SLC7A1: variants seen among roughly 807,000 people sequenced by gnomAD.
SLC7A1 encodes solute carrier family 7 member 1.
A neutral mutation model predicts 53.9 loss-of-function variants in SLC7A1; 10 were observed. That is an observed-to-expected ratio of 0.19 (90% CI 0.11 to 0.31). SLC7A1 has a LOEUF of 0.31. Ranked by LOEUF, SLC7A1 falls within the 10% of genes least tolerant of loss-of-function variation. The pLI is 1.00. For missense variants in SLC7A1, 525 were observed against 827.2 expected, an observed-to-expected ratio of 0.63 and a Z score of 4.48; for synonymous variants, 342 against 338.7, an observed-to-expected ratio of 1.01 and a Z score of -0.11.
chr13:29,533,058 G>C, intron 3 of SLC7A1, 76 bp from the exon 4 acceptor site: 6 of 1,423,866 alleles, frequency 4.2e-6, no homozygotes, highest in Non-Finnish European at 4.8e-6. Context: ...GCTCCATGTT[G>C]ATAACATCAT....
At chr13:29,537,862 TAAC>T (rs1448894968) in intron 2 of SLC7A1, among the ~76,000 whole-genome samples, 3 of 152,234 alleles carry the variant, frequency 2.0e-5, no homozygotes, top group Admixed American at 6.5e-5. Context: ...TCAATTGAGA[TAAC>T]AAGTCTAGAA....
intron 1 of SLC7A1, among the ~76,000 whole-genome samples, chr13:29,555,427 G>A (rs138240844): frequency 0.021 from 3,127 of 147,860 alleles, 99 homozygotes; most frequent in African/African-American, 0.073. Flanking sequence ...TCACACCAGT[G>A]GAACTGAACA....
rs1178423019 is a variant in SLC7A1, at chr13:29,532,721, G to T, written c.529+103C>A. The T allele has an allele frequency of 8.7e-6, 9 of 1,035,356 alleles. No homozygotes were observed. The East Asian group carries it at 2.0e-4, about 23-fold the overall frequency. 64.1% of individuals were successfully genotyped at this position (1,035,356 alleles called of 1,614,324 possible). ...AAAAACAAAACAAAAAGAAATGGGG[G>T]TTATGGTTAAAGAGATAAGTAAAGA... is the stretch of plus-strand genomic sequence containing the variant. On this transcript the variant is annotated intron_variant, in intron 4 of 12. Transcript: ENST00000380752.
At chr13:29,571,577 T>C (rs370749507) in intron 1 of SLC7A1, among the ~76,000 whole-genome samples, 3 of 152,206 alleles carry the variant, frequency 2.0e-5, no homozygotes, top group African/African-American at 7.2e-5. Flanking sequence ...CCAGAGGCCT[T>C]TCCATCTCAG....
At chr13:29,563,105 C>G (rs145577280) in intron 1 of SLC7A1, among the ~76,000 whole-genome samples, 58 of 152,292 alleles carry the variant, frequency 3.8e-4, no homozygotes, top group African/African-American at 1.3e-3. Context: ...AGGACAGAGT[C>G]GGGGGCTGCA....
chr13:29,531,103 G>A (rs933810654), intron 4 of SLC7A1, among the ~76,000 whole-genome samples: 1 of 152,146 alleles, frequency 6.6e-6, no homozygotes, highest in African/African-American at 2.4e-5. Context: ...CAACCTCTAG[G>A]AACAATTCCA....
At chr13:29,565,882 C>G (rs1870948382) in intron 1 of SLC7A1, among the ~76,000 whole-genome samples, 1 of 152,220 alleles carries the variant, frequency 6.6e-6, no homozygotes, top group Non-Finnish European at 1.5e-5. Flanking sequence ...GCAGCAGCAT[C>G]TATACAGAGA....
intron 1 of SLC7A1, among the ~76,000 whole-genome samples, chr13:29,568,544 G>C (rs572904505): frequency 2.6e-5 from 4 of 152,156 alleles, no homozygotes; most frequent in Admixed American, 6.5e-5. Context: ...AAATAAAAAC[G>C]CATGTGCATT....
At chr13:29,554,968 T>C (rs935392082) in intron 1 of SLC7A1, among the ~76,000 whole-genome samples, 6 of 152,208 alleles carry the variant, frequency 3.9e-5, no homozygotes, top group African/African-American at 1.4e-4. Flanking sequence ...TTATCCCTCT[T>C]TAGACAAATA....
intron 1 of SLC7A1, among the ~76,000 whole-genome samples, chr13:29,562,362 T>C (rs1241718481): frequency 6.6e-6 from 1 of 152,172 alleles, no homozygotes; most frequent in East Asian, 1.9e-4. Context: ...TATACACAGG[T>C]TGGGTGTCTC....
chr13:29,573,014 CTTG>C (rs1566274215), intron 1 of SLC7A1, among the ~76,000 whole-genome samples: 1 of 152,116 alleles, frequency 6.6e-6, no homozygotes, highest in Non-Finnish European at 1.5e-5. Context: ...AGAAACCTTT[CTTG>C]AAAATGCAGA....
chr13:29,589,875 C>G (rs536513098), intron 1 of SLC7A1, among the ~76,000 whole-genome samples: 1 of 152,194 alleles, frequency 6.6e-6, no homozygotes, highest in Non-Finnish European at 1.5e-5. Context: ...CTCTCCCCAT[C>G]AGTCACACCA....
chr13:29,564,024 C>T (rs181540315), intron 1 of SLC7A1, among the ~76,000 whole-genome samples: 18 of 152,248 alleles, frequency 1.2e-4, no homozygotes, highest in Admixed American at 9.8e-4. Flanking sequence ...CACACAGTCA[C>T]GGAATGCCAG....
At chr13:29,532,729 T>TA in intron 4 of SLC7A1, 95 bp downstream of exon 4, 1 of 1,136,810 alleles carries the variant, frequency 8.8e-7, no homozygotes. Flanking sequence ...GGGTTATGGT[T>TA]AAAGAGATAA....
At chr13:29,570,658 C>T (rs1409420622) in intron 1 of SLC7A1, among the ~76,000 whole-genome samples, 1 of 152,072 alleles carries the variant, frequency 6.6e-6, no homozygotes, top group Non-Finnish European at 1.5e-5. Context: ...TGGAGACCAG[C>T]CTGGGCAACA....
chr13:29,560,941 A>G (rs1566269825), intron 1 of SLC7A1, among the ~76,000 whole-genome samples: 2 of 152,212 alleles, frequency 1.3e-5, no homozygotes, highest in Non-Finnish European at 2.9e-5. Flanking sequence ...GTACACTTAT[A>G]AGAACCACTA....
At chr13:29,568,112 T>C (rs956082716) in intron 1 of SLC7A1, among the ~76,000 whole-genome samples, 2 of 152,180 alleles carry the variant, frequency 1.3e-5, no homozygotes, top group Non-Finnish European at 2.9e-5. Context: ...CTGAGAATAT[T>C]TTCATCAATG....
At chr13:29,579,199 C>T (rs1254824751) in intron 1 of SLC7A1, among the ~76,000 whole-genome samples, 1 of 152,176 alleles carries the variant, frequency 6.6e-6, no homozygotes, top group Non-Finnish European at 1.5e-5. Context: ...TAACTTCTCT[C>T]AGGCTTCCTC....
chr13:29,533,831 C>T lies in SLC7A1; in HGVS notation c.371-849G>A, dbSNP rs551964163. Among the ~76,000 whole-genome samples, 6 of 152,318 alleles carry T rather than the reference C, an allele frequency of 3.9e-5. No homozygotes were observed. The South Asian group carries it at 1.0e-3, about 26-fold the overall frequency. ...CATTGGTGTTTCTCAGGAAATGTCA[C>T]TAAAATTCCAGCATTTTCATAGAGC... On this transcript the variant is annotated intron_variant, in intron 3 of 12. Transcript: ENST00000380752.
Sources: gnomAD v4.1 joint callset for allele counts (sites outside exome capture counted in the v4.1 genomes callset) on GRCh38, gnomAD v4.1.1 for gene constraint, MANE v1.5 for transcripts, NCBI Gene and HGNC (gene_info 2026-07-23, HGNC 2026-07-21) for gene names.